The following CADPS2 variants were observed in gnomAD, a reference collection of about 807,000 sequenced individuals.
CADPS2 encodes calcium-dependent secretion activator 2.
Under a neutral mutation model 172.5 loss-of-function variants are expected in CADPS2, and 93 were observed. That is an observed-to-expected ratio of 0.54 (90% CI 0.46 to 0.64). The LOEUF is 0.64. CADPS2 is among the 30% of genes least tolerant of loss of function. The probability of loss-of-function intolerance (pLI) is 0.00; values close to 1 mark genes in which losing one functional copy is unlikely to be tolerated. For synonymous variants in CADPS2, 546 were observed against 555.2 expected (o/e 0.98, Z 0.23); for missense variants, 1,420 against 1,565.9 (o/e 0.91, Z 1.57).
At chr7:122,524,671 T>A (rs949085427) in intron 8 of CADPS2, among the ~76,000 whole-genome samples, 1 of 152,214 alleles carries the variant, frequency 6.6e-6, no homozygotes, top group African/African-American at 2.4e-5. Context: ...ATAGAATATC[T>A]GTAACAGTCA....
intron 4 of CADPS2, 109 bp from the exon 5 acceptor site, chr7:122,621,826 C>G (rs2075634213): frequency 3.0e-6 from 2 of 675,140 alleles, no homozygotes; most frequent in African/African-American, 3.6e-5. Context: ...ACAACACTCT[C>G]AATATATCTA....
chr7:122,507,718 G>T (rs533866154), intron 9 of CADPS2, among the ~76,000 whole-genome samples: 1 of 152,154 alleles, frequency 6.6e-6, no homozygotes, highest in Admixed American at 6.6e-5. Context: ...TGTTAAGAAC[G>T]AGGGAAGTGG....
intron 28 of CADPS2, among the ~76,000 whole-genome samples, chr7:122,336,788 G>T (rs10280555): frequency 0.15 from 23,025 of 152,132 alleles, 1,796 homozygotes; most frequent in African/African-American, 0.16. Flanking sequence ...TTTACCATTG[G>T]TAAGAGAGCT....
intron 1 of CADPS2, among the ~76,000 whole-genome samples, chr7:122,742,038 G>A (rs576660892): frequency 6.6e-6 from 1 of 152,246 alleles, no homozygotes; most frequent in South Asian, 2.1e-4. Context: ...ATACTTGGAT[G>A]CAATGGATCA....
chr7:122,835,123 C>A (rs927264549), intron 1 of CADPS2, among the ~76,000 whole-genome samples: 1 of 152,182 alleles, frequency 6.6e-6, no homozygotes, highest in Non-Finnish European at 1.5e-5. Flanking sequence ...ATTTGCTGTT[C>A]AGCAATATTC....
At chr7:122,872,175 C>A (rs1819929570) in intron 1 of CADPS2, among the ~76,000 whole-genome samples, 1 of 152,044 alleles carries the variant, frequency 6.6e-6, no homozygotes, top group Non-Finnish European at 1.5e-5. Context: ...TTATCTCTTA[C>A]ATAGTTTTAA....
chr7:122,842,627 TA>T (rs1484011066), intron 1 of CADPS2, among the ~76,000 whole-genome samples: 1 of 152,148 alleles, frequency 6.6e-6, no homozygotes, highest in Non-Finnish European at 1.5e-5. Flanking sequence ...CAGTATTGTA[TA>T]AGAAAAACAA....
intron 3 of CADPS2, among the ~76,000 whole-genome samples, chr7:122,654,580 T>C (rs544876518): frequency 6.6e-6 from 1 of 152,324 alleles, no homozygotes; most frequent in South Asian, 2.1e-4. Flanking sequence ...CAGCATGGTA[T>C]ACTGAATATT....
chr7:122,703,289 T>C (rs2086459860), intron 2 of CADPS2, among the ~76,000 whole-genome samples: 1 of 152,086 alleles, frequency 6.6e-6, no homozygotes, highest in Non-Finnish European at 1.5e-5. Flanking sequence ...CCTGGGCCAG[T>C]TGCCAGTTTT....
At chr7:122,527,582 T>TAGAGAGAGAGAGAGAGAG (rs35881192) in intron 8 of CADPS2, among the ~76,000 whole-genome samples, 10 of 91,748 alleles carry the variant, frequency 1.1e-4, no homozygotes, top group Non-Finnish European at 1.6e-4. Context: ...TAATACTGAA[T>TAGAGAGAGAGAGAGAGAG]AGAGAGAGAG....
chr7:122,599,258 G>T (rs928666694), intron 6 of CADPS2, among the ~76,000 whole-genome samples: 1 of 152,004 alleles, frequency 6.6e-6, no homozygotes, highest in Non-Finnish European at 1.5e-5. Context: ...ATACCATACA[G>T]CATAGAATCT....
intron 1 of CADPS2, among the ~76,000 whole-genome samples, chr7:122,843,751 T>G (rs533698070): frequency 1.1e-4 from 17 of 152,188 alleles, no homozygotes; most frequent in Middle Eastern, 3.4e-3. Context: ...GAGAGCTGAC[T>G]AATGAAGAGA....
chr7:122,776,031 CA>C (rs2093872041), intron 1 of CADPS2, among the ~76,000 whole-genome samples: 1 of 152,024 alleles, frequency 6.6e-6, no homozygotes, highest in Non-Finnish European at 1.5e-5. Context: ...ATAATAACAA[CA>C]AAAAGGAGGG....
intron 6 of CADPS2, among the ~76,000 whole-genome samples, chr7:122,600,939 CA>C (rs1234485082): frequency 6.6e-6 from 1 of 152,004 alleles, no homozygotes; most frequent in East Asian, 1.9e-4. Flanking sequence ...AGTTATTTAA[CA>C]TTAATGTAGA....
chr7:122,730,359 T>C (rs2091525200), intron 2 of CADPS2, among the ~76,000 whole-genome samples: 1 of 151,778 alleles, frequency 6.6e-6, no homozygotes, highest in Non-Finnish European at 1.5e-5. Flanking sequence ...AACCTGTTAC[T>C]ACTTTGAGGG....
intron 2 of CADPS2, among the ~76,000 whole-genome samples, chr7:122,729,213 G>A (rs1203738525): frequency 1.3e-5 from 2 of 151,170 alleles, no homozygotes; most frequent in Non-Finnish European, 1.5e-5. Context: ...TTTTTTTTAC[G>A]GTCAACAGTA....
At chr7:122,581,534 T>C (rs1372881698) in intron 6 of CADPS2, among the ~76,000 whole-genome samples, 2 of 152,158 alleles carry the variant, frequency 1.3e-5, no homozygotes, top group African/African-American at 4.8e-5. Flanking sequence ...TTGCATGTTA[T>C]GAGAATTTAG....
intron 1 of CADPS2, among the ~76,000 whole-genome samples, chr7:122,797,862 A>C (rs1439366523): frequency 1.3e-5 from 2 of 152,216 alleles, no homozygotes; most frequent in Admixed American, 1.3e-4. Flanking sequence ...CCTGAACTTA[A>C]AAGTTAAATT....
chr7:122,514,362 G>A (rs2060203179), intron 8 of CADPS2, among the ~76,000 whole-genome samples: 1 of 151,840 alleles, frequency 6.6e-6, no homozygotes, highest in Non-Finnish European at 1.5e-5. Flanking sequence ...TATTTATTTA[G>A]GGGCTTAAGA....
Sources: allele counts gnomAD v4.1 joint callset (sites outside exome capture counted in the v4.1 genomes callset), GRCh38; gene constraint gnomAD v4.1.1; transcripts MANE v1.5; gene names NCBI Gene and HGNC (gene_info 2026-07-23, HGNC 2026-07-21).